The following SNED1 variants were observed in gnomAD, a reference collection of about 807,000 sequenced individuals.
SNED1 encodes sushi, nidogen and EGF like domains 1.
SNED1 carries 81 observed loss-of-function variants against 166.7 expected under a neutral mutation model. The observed-to-expected ratio is 0.49, with a 90% CI of 0.41 to 0.58. The LOEUF is 0.58. Ranked by LOEUF, SNED1 falls within the 20% of genes least tolerant of loss-of-function variation. SNED1 has a pLI of 0.00. For missense variants in SNED1, 1,604 were observed against 2,000.2 expected (o/e 0.80, Z 3.78); for synonymous variants, 762 against 822.0 (o/e 0.93, Z 1.25).
rs1043192457 is a variant in SNED1 at position 241,037,331 on chromosome 2, T to A, written c.1023T>A (p.Phe341Leu). ...NSFRCQCPAG[F>L]GGPTCETAQS... Reference sequence around the variant, plus strand: ...TCCGCTGCCAGTGCCCGGCTGGCTTTGGGGGACCCACCTGTGAGACAGGTA... The same window carrying A: ...TCCGCTGCCAGTGCCCGGCTGGCTTAGGGGGACCCACCTGTGAGACAGGTA... The change falls in exon 6 of 32, where the codon TTT becomes TTA. Residue 341 changes from phenylalanine to leucine, a missense_variant. Physicochemically the swap from Phe to Leu is conservative, Grantham distance 22. Coordinates refer to ENST00000310397, the MANE Select transcript of SNED1 (RefSeq NM_001080437.3). 1 of 1,609,162 alleles carries A rather than the reference T, an allele frequency of 6.2e-7. No homozygotes were observed. Among genetic ancestry groups the A allele is most frequent in the African/African-American group, 1.3e-5 (1 of 74,840 alleles).
intron 8 of SNED1, among the ~76,000 whole-genome samples, chr2:241,042,971 G>C (rs944739654): frequency 6.6e-6 from 1 of 152,054 alleles, no homozygotes; most frequent in Non-Finnish European, 1.5e-5. Flanking sequence ...TGTGAAGGAG[G>C]ATGAAGAACA....
At chr2:241,062,033 T>C (rs2062250121) in intron 16 of SNED1, among the ~76,000 whole-genome samples, 1 of 152,144 alleles carries the variant, frequency 6.6e-6, no homozygotes, top group East Asian at 1.9e-4. Context: ...CATATAATGC[T>C]GAGAGAAGAC....
At chr2:241,082,623 G>A (rs1859925) in intron 29 of SNED1, among the ~76,000 whole-genome samples, 23,960 of 152,182 alleles carry the variant, frequency 0.16, 2,904 homozygotes, top group East Asian at 0.35. Context: ...AGGCCCCCAG[G>A]CCTTCCTTCC....
intron 27 of SNED1, among the ~76,000 whole-genome samples, chr2:241,081,238 G>A (rs1261573526): frequency 6.6e-6 from 1 of 152,124 alleles, no homozygotes; most frequent in African/African-American, 2.4e-5. Flanking sequence ...GATCAAGTGA[G>A]CAGTAAGTCA....
chr2:241,036,326 G>A (rs2061367745), intron 4 of SNED1, among the ~76,000 whole-genome samples: 1 of 151,466 alleles, frequency 6.6e-6, no homozygotes, highest in African/African-American at 2.4e-5. Flanking sequence ...GCCCAGAGCG[G>A]CCGCCCAGCA....
chr2:241,068,054 C>A lies in SNED1; in HGVS notation c.3194+107C>A. 2 of 1,031,522 alleles carry A rather than the reference C, an allele frequency of 1.9e-6. No homozygotes were observed. Among genetic ancestry groups the A allele is most frequent in the South Asian group, 1.6e-5 (1 of 62,002 alleles). The allele number at this position is 1,031,522 out of a possible 1,614,324, so 63.9% of individuals were successfully genotyped here. On this transcript the variant is annotated intron_variant, in intron 22 of 31. Transcript: ENST00000310397. The surrounding 1 kb of genome is among the most constrained non-coding windows in gnomAD (Gnocchi z 5.3). ...CATTCTCCGTGTGTGGACTGTACCA[C>A]CTGCCGCTCCTCACCTGAGCGGAGA...
At chr2:241,074,881 A>G (rs2062946736) in intron 27 of SNED1, 1 of 152,224 alleles carries the variant, frequency 6.6e-6, no homozygotes, top group Admixed American at 6.5e-5. Flanking sequence ...CCCTCAGTTA[A>G]CCATGATCCT....
At chr2:241,040,592 C>G (rs1235575070) in intron 8 of SNED1, among the ~76,000 whole-genome samples, 179 bp downstream of exon 8, 1 of 152,206 alleles carries the variant, frequency 6.6e-6, no homozygotes, top group Non-Finnish European at 1.5e-5. Context: ...AGCCTGGATC[C>G]TAAGCCACCA....
At chr2:241,020,445 C>T (rs2060737295) in intron 1 of SNED1, among the ~76,000 whole-genome samples, 1 of 152,226 alleles carries the variant, frequency 6.6e-6, no homozygotes, top group Non-Finnish European at 1.5e-5. Flanking sequence ...GACTCGAGCA[C>T]CCCGCAGAGC....
chr2:241,037,165 C>T, intron 5 of SNED1, 75 bp from the exon 6 acceptor site: 4 of 1,310,762 alleles, frequency 3.1e-6, no homozygotes, highest in Non-Finnish European at 4.3e-6. Flanking sequence ...CCGTCCCCGG[C>T]CCAACCCGAG....
In SNED1 at chr2:241,071,618, A is replaced by G; in HGVS notation, c.3632A>G (p.His1211Arg). 6.3e-7 allele frequency: 1 copy of G among 1,586,586 alleles called. No homozygotes were observed. Among genetic ancestry groups the G allele is most frequent in the South Asian group, 1.1e-5 (1 of 87,870 alleles). Residue 1211 changes from histidine to arginine, a missense_variant, in exon 25 of 32, where the codon CAC (histidine) becomes CGC (arginine). His to Arg is a conservative substitution (Grantham distance 29). Around this residue, in one of 2 missense-constraint regions of SNED1, gnomAD observed 367 missense variants for 379.4 expected, o/e 0.97. Coordinates refer to ENST00000310397, the MANE Select transcript of SNED1 (RefSeq NM_001080437.3). ...GADRRWHQGG[H>R]HPRVLKNRPP... ...GACAGACGCTGGCACCAGGGAGGAC[A>G]CCACCCTCGGGTGCTCAAGAACAGA...
At position 241,066,456 on chromosome 2, in the gene SNED1, C is replaced by T. The variant is rs75125143; in HGVS notation, c.3010+861C>T. Among the ~76,000 whole-genome samples, 1,058 of 152,252 alleles carry T rather than the reference C, an allele frequency of 6.9e-3. 57 individuals are homozygous for T. The East Asian group carries it at 0.1, about 15-fold the overall frequency. The stretch of plus-strand genomic sequence containing the variant: ...GCATCAGCTAGAGCACAGGGGATCT[C>T]GGAACAGGCTGGGCAGGAACCAAGT... On this transcript the variant is annotated intron_variant, in intron 21 of 31. Transcript: ENST00000310397.
At chr2:241,089,207 G>A in intron 31 of SNED1, 1 of 1,264,202 alleles carries the variant, frequency 7.9e-7, no homozygotes, top group Non-Finnish European at 1.1e-6. Flanking sequence ...TTATCAACAT[G>A]TCACTGCATG....
At chr2:241,090,206 T>G (rs1344379761) in intron 31 of SNED1, 50 of 1,475,470 alleles carry the variant, frequency 3.4e-5, no homozygotes, top group Non-Finnish European at 4.4e-5. Context: ...TTTTTAAAAT[T>G]TTTAATTGTT....
rs2062336226 is a variant in SNED1 at position 241,064,073 on chromosome 2, G to A, written c.2547G>A (p.Gly849=). The A allele has an allele frequency of 6.4e-7, 1 of 1,570,056 alleles. No homozygotes were observed. The highest frequency in any genetic ancestry group is 2.4e-5 in the East Asian group (1 of 42,078). Residue 849 remains glycine (G), a synonymous_variant, in exon 19 of 32, where the codon GGG becomes GGA. Coordinates refer to ENST00000310397, the MANE Select transcript of SNED1 (RefSeq NM_001080437.3). The surrounding 1 kb of genome is among the most constrained non-coding windows in gnomAD (Gnocchi z 7.0). ...GAGGCCGGTGTGAGAGCGGCGGCGG[G>A]GCCTACCTGTGCGTCTGCCCAGAGA... ...QHGGRCESGG[G]AYLCVCPESF... is the part of the protein sequence containing the mutation.
At position 241,073,485 on chromosome 2, in the gene SNED1, G is replaced by A. The variant is rs2062848343; in HGVS notation, c.3916+121G>A. On this transcript the variant is annotated intron_variant, in intron 27 of 31. Coordinates refer to ENST00000310397, the MANE Select transcript of SNED1 (RefSeq NM_001080437.3). The surrounding 1 kb of genome is among the most constrained non-coding windows in gnomAD (Gnocchi z 6.6). ...TCAGGAGGCACAGAGCCTACCTGAG[G>A]GGAGGCTGAGCACCAGGCACCCCGG... 1.2e-6 allele frequency: 1 copy of A among 821,418 alleles called. No individual in the cohort carries two copies. The highest frequency in any genetic ancestry group is 2.1e-6 in the Non-Finnish European group (1 of 487,548). The allele number at this position is 821,418 out of a possible 1,614,324, so 50.9% of individuals were successfully genotyped here.
chr2:241,014,849 G>A (rs1275659663), intron 1 of SNED1, among the ~76,000 whole-genome samples: 34 of 152,062 alleles, frequency 2.2e-4, no homozygotes. Flanking sequence ...CTTGGGGCCC[G>A]AGGTAGAGTC....
rs375995132 is a variant in SNED1 at position 241,037,321 on chromosome 2, C to T, written c.1013C>T (p.Pro338Leu). The change falls in exon 6 of 32, where the codon CCG becomes CTG. Residue 338 changes from proline (P) to leucine (L), a missense_variant. Around this residue, in one of 2 missense-constraint regions of SNED1, gnomAD observed 1,237 missense variants for 1,620.8 expected, o/e 0.76. Coordinates refer to ENST00000310397, the MANE Select transcript of SNED1 (RefSeq NM_001080437.3). ...HGINSFRCQC[P>L]AGFGGPTCET... ...ATCAACAGTTTCCGCTGCCAGTGCC[C>T]GGCTGGCTTTGGGGGACCCACCTGT... 9.3e-6 allele frequency: 15 copies of T among 1,610,042 alleles called. No homozygotes were observed. Among genetic ancestry groups the T allele is most frequent in the South Asian group, 5.5e-5 (5 of 90,148 alleles).
rs931152988 is a variant in SNED1 at position 241,092,472 on chromosome 2, C to A, written c.*836C>A. On this transcript the variant is annotated 3_prime_UTR_variant, in exon 32 of 32. Transcript: ENST00000310397. This position sits in a 1 kb window ranked among gnomAD's most constrained non-coding sequence, Gnocchi z 4.6. ...TGGCCCATGGGCCTTATTTGGTGAACCCTGTTCTATGAGATCACCTAGGCT... is the reference window on the plus strand; with the variant it reads ...TGGCCCATGGGCCTTATTTGGTGAAACCTGTTCTATGAGATCACCTAGGCT... The A allele has an allele frequency of 6.6e-6, 1 of 152,086 alleles. No homozygotes were observed. The highest frequency in any genetic ancestry group is 2.4e-5 in the African/African-American group (1 of 41,396). 9.4% of individuals were successfully genotyped at this position (152,086 alleles called of 1,614,324 possible).
Sources: allele counts gnomAD v4.1 joint callset (sites outside exome capture counted in the v4.1 genomes callset), GRCh38; gene constraint gnomAD v4.1.1; regional missense constraint gnomAD v4.1.1; non-coding constraint Gnocchi (gnomAD v3.1); transcripts MANE v1.5; gene names NCBI Gene and HGNC (gene_info 2026-07-23, HGNC 2026-07-21).